Variants in MYO7A observed in about 807,000 individuals in gnomAD.
The protein encoded by MYO7A is unconventional myosin-VIIa.
Under a neutral mutation model 263.8 loss-of-function variants are expected in MYO7A, and 210 were observed. The observed-to-expected ratio is 0.80, with a 90% CI of 0.71 to 0.89. MYO7A has a LOEUF of 0.89. MYO7A is among the 40% of genes least tolerant of loss of function. The probability of loss-of-function intolerance (pLI) is 0.00; values close to 1 mark genes in which losing one functional copy is unlikely to be tolerated. For missense variants in MYO7A, 2,820 were observed against 2,968.3 expected, an observed-to-expected ratio of 0.95 and a Z score of 1.16; for synonymous variants, 1,239 against 1,197.3, an observed-to-expected ratio of 1.03 and a Z score of -0.72.
chr11:77,140,807 C>G (rs1164943912), intron 2 of MYO7A, among the ~76,000 whole-genome samples: 1 of 152,200 alleles, frequency 6.6e-6, no homozygotes, highest in Non-Finnish European at 1.5e-5. Flanking sequence ...CTTCCACGCC[C>G]AAGCCTCTCC....
At chr11:77,177,928 T>C (rs1954781121) in intron 19 of MYO7A, among the ~76,000 whole-genome samples, 1 of 152,126 alleles carries the variant, frequency 6.6e-6, no homozygotes, top group Admixed American at 6.5e-5. Context: ...GTGGACCCAC[T>C]GTTCATGTCA....
chr11:77,170,141 A>C (rs7122463), intron 15 of MYO7A, among the ~76,000 whole-genome samples: 7,451 of 152,216 alleles, frequency 0.049, 626 homozygotes, highest in African/African-American at 0.17. Context: ...GGTGAGATGT[A>C]GTATGGGGAA....
intron 33 of MYO7A, 148 bp from the exon 34 acceptor site, chr11:77,198,347 C>T (rs540083132): frequency 1.3e-5 from 14 of 1,088,000 alleles, no homozygotes; most frequent in Admixed American, 8.2e-5. Context: ...GGTTTTGGCA[C>T]GTAGCGAGTT....
At chr11:77,167,065 C>T (rs1477968311) in intron 15 of MYO7A, among the ~76,000 whole-genome samples, 1 of 152,228 alleles carries the variant, frequency 6.6e-6, no homozygotes, top group African/African-American at 2.4e-5. Context: ...TGGTCCCGAG[C>T]TCCCACTGTG....
chr11:77,204,288 C>T, intron 39 of MYO7A, 59 bp downstream of exon 39: 2 of 1,538,642 alleles, frequency 1.3e-6, no homozygotes, highest in Non-Finnish European at 1.8e-6. Flanking sequence ...ACGGGCAGCT[C>T]TTACCCTCCT....
At chr11:77,145,092 G>A (rs141056568) in intron 3 of MYO7A, among the ~76,000 whole-genome samples, 34 of 152,290 alleles carry the variant, frequency 2.2e-4, no homozygotes, top group African/African-American at 7.5e-4. Context: ...CAGTGGGAGC[G>A]GTGCAGCTAC....
chr11:77,131,369 AC>A (rs1487088039), intron 2 of MYO7A, among the ~76,000 whole-genome samples: 1 of 152,160 alleles, frequency 6.6e-6, no homozygotes, highest in East Asian at 1.9e-4. Flanking sequence ...TTGCCTGGCC[AC>A]CCTGAGGCTG....
chr11:77,178,979 C>A, intron 19 of MYO7A, 66 bp from the exon 20 acceptor site: 1 of 1,399,798 alleles, frequency 7.1e-7, no homozygotes, highest in Non-Finnish European at 9.9e-7. Context: ...CCCTCCTGAT[C>A]CCAAACCCAC....
chr11:77,142,497 G>A, intron 2 of MYO7A: 1 of 632,926 alleles, frequency 1.6e-6, no homozygotes, highest in South Asian at 1.5e-5. Context: ...GAATATGGCT[G>A]TTCTAGAGGG....
chr11:77,204,280 G>C, intron 39 of MYO7A, 51 bp downstream of exon 39: 1 of 1,545,412 alleles, frequency 6.5e-7, no homozygotes, highest in Non-Finnish European at 8.8e-7. Context: ...CTGCTGTGAC[G>C]GGCAGCTCTT....
At chr11:77,136,144 G>A (rs906747397) in intron 2 of MYO7A, among the ~76,000 whole-genome samples, 1 of 152,124 alleles carries the variant, frequency 6.6e-6, no homozygotes, top group African/African-American at 2.4e-5. Context: ...CCTTTGTGAG[G>A]GATAGTTATG....
chr11:77,194,273 G>C, intron 31 of MYO7A, 81 bp from the exon 32 acceptor site: 1 of 1,491,012 alleles, frequency 6.7e-7, no homozygotes, highest in East Asian at 2.4e-5. Flanking sequence ...GCCAGGAGAG[G>C]GGCCTGGAGC....
intron 15 of MYO7A, 35 bp from the exon 16 acceptor site, chr11:77,172,713 A>G (rs777505445): frequency 2.6e-6 from 4 of 1,546,674 alleles, no homozygotes; most frequent in Non-Finnish European, 3.5e-6. Context: ...TGGGGCAGGC[A>G]CAGCCCCTCC....
At chr11:77,191,032 G>C in intron 30 of MYO7A, 162 bp downstream of exon 30, 1 of 804,322 alleles carries the variant, frequency 1.2e-6, no homozygotes, top group Non-Finnish European at 1.9e-6. Flanking sequence ...CAGGACTGCC[G>C]AGAACTCGGC....
intron 20 of MYO7A, 148 bp downstream of exon 20, chr11:77,179,277 C>G (rs1954949869): frequency 1.5e-6 from 1 of 669,818 alleles, no homozygotes; most frequent in Admixed American, 2.8e-5. Context: ...ACCATTCCTC[C>G]AGACCGAAGT....
In MYO7A at chr11:77,138,563, C is replaced by T. The variant is rs1172043037; in HGVS notation, c.19-4146C>T. Reference sequence around the variant, plus strand: ...ATGGACTGCGGCCCTAGGATGCCACCTGCGGTCTCTGACCTCCCCCAGTGT... The same window carrying T: ...ATGGACTGCGGCCCTAGGATGCCACTTGCGGTCTCTGACCTCCCCCAGTGT... On this transcript the variant is annotated intron_variant, in intron 2 of 48. Coordinates refer to ENST00000409709, the MANE Select transcript of MYO7A (RefSeq NM_000260.4). The surrounding 1 kb of genome is among the most constrained non-coding windows in gnomAD (Gnocchi z 4.9). 6.6e-6 allele frequency among the ~76,000 whole-genome samples: 1 copy of T among 152,198 alleles called. No homozygotes were observed. Among genetic ancestry groups the T allele is most frequent in the African/African-American group, 2.4e-5 (1 of 41,466 alleles).
intron 11 of MYO7A, among the ~76,000 whole-genome samples, chr11:77,160,693 T>C (rs1952911527): frequency 1.3e-5 from 2 of 152,092 alleles, no homozygotes; most frequent in Admixed American, 6.6e-5. Flanking sequence ...GACATAGAGA[T>C]GAGAGCCCCA....
intron 2 of MYO7A, chr11:77,142,445 C>T (rs1213128810): frequency 1.2e-5 from 6 of 521,210 alleles, no homozygotes; most frequent in Non-Finnish European, 1.8e-5. Flanking sequence ...TTTGAGAGGC[C>T]TTGGCTCTCT....
rs929418831 is a variant in MYO7A, at chr11:77,145,179, G to C, written c.132+2357G>C. ...CAGTGATTCTCTGTTAGGGATGTTA[G>C]AGAAGCAAATGTAAATCACAAGGCA... On this transcript the variant is annotated intron_variant, in intron 3 of 48. Coordinates refer to ENST00000409709, the MANE Select transcript of MYO7A (RefSeq NM_000260.4). Among the ~76,000 whole-genome samples the C allele has an allele frequency of 3.9e-5, 6 of 152,180 alleles. No homozygotes were observed. In the East Asian group the frequency reaches 1.2e-3, roughly 29 times the overall value.
Sources: gnomAD v4.1 joint callset for allele counts (sites outside exome capture counted in the v4.1 genomes callset) on GRCh38, gnomAD v4.1.1 for gene constraint, Gnocchi (gnomAD v3.1) non-coding constraint, MANE v1.5 for transcripts, NCBI Gene and HGNC (gene_info 2026-07-23, HGNC 2026-07-21) for gene names.